FHIP2A: variants seen among roughly 807,000 people sequenced by gnomAD.
The protein encoded by FHIP2A is family with sequence similarity 160 member B1.
Under a neutral mutation model 93.5 loss-of-function variants are expected in FHIP2A, and 46 were observed. That is an observed-to-expected ratio of 0.49 (90% CI 0.39 to 0.63). The LOEUF is 0.63. FHIP2A is among the 20% of genes least tolerant of loss of function. FHIP2A has a pLI of 0.00. For missense variants in FHIP2A, 769 were observed against 909.7 expected, an observed-to-expected ratio of 0.85 and a Z score of 1.99; for synonymous variants, 332 against 326.5, an observed-to-expected ratio of 1.02 and a Z score of -0.18.
rs2083817215 is a variant in FHIP2A, at chr10:114,864,252, T to C, written c.*2712T>C. 5 of 983,122 alleles carry C rather than the reference T, an allele frequency of 5.1e-6. No homozygotes were observed. Among genetic ancestry groups the C allele is most frequent in the Non-Finnish European group, 4.8e-6 (4 of 827,582 alleles). 60.9% of individuals were successfully genotyped at this position (983,122 alleles called of 1,614,324 possible). On this transcript the variant is annotated 3_prime_UTR_variant, in exon 17 of 17. Coordinates refer to ENST00000369248, the MANE Select transcript of FHIP2A (RefSeq NM_020940.4). ...TTCATGGTAATGTTTTCATAAATTATTGCATTAACATACAATTGCCATTTA... is the reference window on the plus strand; with the variant it reads ...TTCATGGTAATGTTTTCATAAATTACTGCATTAACATACAATTGCCATTTA...
chr10:114,845,352 T>A lies in FHIP2A; in HGVS notation c.1014-15T>A, dbSNP rs372111285. The A allele has an allele frequency of 3.3e-6, 5 of 1,514,116 alleles. No homozygotes were observed. Among genetic ancestry groups the A allele is most frequent in the Non-Finnish European group, 4.6e-6 (5 of 1,091,770 alleles). The allele number at this position is 1,514,116 out of a possible 1,614,324, so 93.8% of individuals were successfully genotyped here. A position where few individuals can be genotyped will look rare whatever the true frequency, so the allele number is the denominator to read the frequency against. On this transcript the variant is annotated splice_polypyrimidine_tract_variant and intron_variant, in intron 7 of 16. Transcript: ENST00000369248. Reference sequence around the variant, plus strand: ...TGGATAACTTTGGACTTAGCAATTCTTCCTTGTCTTACAGCTTGGACTCAT... The same window carrying A: ...TGGATAACTTTGGACTTAGCAATTCATCCTTGTCTTACAGCTTGGACTCAT...
In FHIP2A at chr10:114,874,553, A is replaced by T. The variant is rs141176179; in HGVS notation, c.2192+13219A>T. Reference sequence around the variant, plus strand: ...GTTTCGCTGTTGTTGCCCAAGCTGGAGTGCAGTGGCACAATCTTGGCTCAG... The same window carrying T: ...GTTTCGCTGTTGTTGCCCAAGCTGGTGTGCAGTGGCACAATCTTGGCTCAG... On this transcript the variant is annotated intron_variant, in intron 16 of 16. Transcript: ENST00000369250. Among the ~76,000 whole-genome samples the T allele has an allele frequency of 7.6e-3, 1,162 of 152,242 alleles. 25 individuals are homozygous for T. The highest frequency in any genetic ancestry group is 0.027 in the African/African-American group (1,105 of 41,540).
At chr10:114,825,665 C>T (rs1448360801) in intron 1 of FHIP2A, among the ~76,000 whole-genome samples, 8 of 152,120 alleles carry the variant, frequency 5.3e-5, no homozygotes, top group Admixed American at 2.6e-4. Context: ...AGCCAGTTGC[C>T]GCATGTCACA....
intron 16 of FHIP2A, among the ~76,000 whole-genome samples, chr10:114,873,951 G>A (rs1437997698): frequency 3.4e-5 from 5 of 148,568 alleles, no homozygotes; most frequent in African/African-American, 7.4e-5. Context: ...TCAGGAGGGG[G>A]AAAAAAAAAA....
intron 14 of FHIP2A, among the ~76,000 whole-genome samples, 197 bp from the exon 15 acceptor site, chr10:114,860,552 A>G (rs1412358730): frequency 1.3e-5 from 2 of 152,014 alleles, no homozygotes; most frequent in Non-Finnish European, 2.9e-5. Flanking sequence ...GGGTTTCTCC[A>G]TGTTGGTCAG....
chr10:114,862,183 G>A lies in FHIP2A; in HGVS notation c.*643G>A. On this transcript the variant is annotated 3_prime_UTR_variant, in exon 17 of 17. Coordinates refer to ENST00000369248, the MANE Select transcript of FHIP2A (RefSeq NM_020940.4). The stretch of plus-strand genomic sequence containing the variant: ...AATATATCTATATTTTTAAAGAAAT[G>A]TTCTTTTACTCTTTTGTGCACATAG... The A allele has an allele frequency of 5.3e-6, 5 of 939,662 alleles. No individual in the cohort carries two copies. The highest frequency in any genetic ancestry group is 6.3e-6 in the Non-Finnish European group (5 of 788,104). The allele number at this position is 939,662 out of a possible 1,614,324, so 58.2% of individuals were successfully genotyped here.
chr10:114,860,323 C>T (rs11196955), intron 14 of FHIP2A, among the ~76,000 whole-genome samples: 19,717 of 152,074 alleles, frequency 0.13, 1,441 homozygotes, highest in East Asian at 0.22. Flanking sequence ...GAAGAGCATG[C>T]GCAGCAGGGA....
chr10:114,839,872 ACT>A (rs1229121350), intron 5 of FHIP2A, among the ~76,000 whole-genome samples: 19 of 123,528 alleles, frequency 1.5e-4, no homozygotes, highest in Non-Finnish European at 5.0e-5. Context: ...ACAGAGCGAG[ACT>A]CTGTCTCAAA....
At chr10:114,890,429 A>ATG (rs898407071) in intron 16 of FHIP2A, among the ~76,000 whole-genome samples, 40 of 149,650 alleles carry the variant, frequency 2.7e-4, no homozygotes, top group South Asian at 8.4e-4. Context: ...GATTATATAT[A>ATG]TGTGTGTGTG....
Position 114,861,992 on chromosome 10 carries a change from CA to C in FHIP2A, c.*453del, listed in dbSNP as rs1435442465. ...CACTAATTTTATAACTTTTTAAGGTCAGAATTCTTATCAAACAAAATATGAA... is the reference window on the plus strand; with the variant it reads ...CACTAATTTTATAACTTTTTAAGGTCGAATTCTTATCAAACAAAATATGAA... On this transcript the variant is annotated 3_prime_UTR_variant, in exon 17 of 17. Transcript: ENST00000369248. 7.2e-6 allele frequency: 7 copies of C among 976,792 alleles called. No individual in the cohort carries two copies. The highest frequency in any genetic ancestry group is 6.1e-6 in the Non-Finnish European group (5 of 822,110). The allele number at this position is 976,792 out of a possible 1,614,324, so 60.5% of individuals were successfully genotyped here.
chr10:114,849,995 A>C (rs1322946737), intron 13 of FHIP2A, among the ~76,000 whole-genome samples: 1 of 152,066 alleles, frequency 6.6e-6, no homozygotes, highest in African/African-American at 2.4e-5. Flanking sequence ...TATTGTACGG[A>C]TATTTTGTGT....
chr10:114,841,292 G>GTTTTTTTTT (rs397845509), intron 5 of FHIP2A, among the ~76,000 whole-genome samples: 1 of 125,056 alleles, frequency 8.0e-6, no homozygotes, highest in African/African-American at 3.0e-5. Flanking sequence ...TATGCCATTG[G>GTTTTTTTTT]TTTTTTTTTT....
intron 16 of FHIP2A, among the ~76,000 whole-genome samples, chr10:114,887,905 C>G (rs908974143): frequency 6.6e-6 from 1 of 152,210 alleles, no homozygotes; most frequent in African/African-American, 2.4e-5. Context: ...ATCTTTCTGT[C>G]AAACTCAAGG....
At chr10:114,824,791 T>C (rs1216440569) in intron 1 of FHIP2A, among the ~76,000 whole-genome samples, 5 of 152,216 alleles carry the variant, frequency 3.3e-5, no homozygotes. Context: ...CTTCTGTGTG[T>C]TCCTGTTCAT....
In FHIP2A at chr10:114,835,652, C is replaced by T. The variant is rs2083633247; in HGVS notation, c.399+11C>T. The T allele has an allele frequency of 2.1e-6, 3 of 1,418,518 alleles. No individual in the cohort carries two copies. The highest frequency in any genetic ancestry group is 2.0e-5 in the Admixed American group (1 of 49,748). The allele number at this position is 1,418,518 out of a possible 1,614,324, so 87.9% of individuals were successfully genotyped here. A position where few individuals can be genotyped will look rare whatever the true frequency, so the allele number is the denominator to read the frequency against. On this transcript the variant is annotated intron_variant, in intron 4 of 16. Coordinates refer to ENST00000369248, the MANE Select transcript of FHIP2A (RefSeq NM_020940.4). ...CACAGGCCAGTGCAGGTATTTTGTT[C>T]CCCCTACATAAAATCATTTTGTTTG... is the stretch of plus-strand genomic sequence containing the variant.
chr10:114,856,178 G>A (rs1388106047), intron 14 of FHIP2A, among the ~76,000 whole-genome samples: 3 of 152,196 alleles, frequency 2.0e-5, no homozygotes, highest in African/African-American at 7.2e-5. Flanking sequence ...TAAGTAGGCT[G>A]TCTTCAGTAA....
At chr10:114,847,440 C>A (rs2083708445) in intron 12 of FHIP2A, among the ~76,000 whole-genome samples, 1 of 151,894 alleles carries the variant, frequency 6.6e-6, no homozygotes, top group South Asian at 2.1e-4. Flanking sequence ...AGGCTCCTGC[C>A]ACGTCACCCA....
chr10:114,847,041 A>C, intron 11 of FHIP2A, 49 bp from the exon 12 acceptor site: 3 of 1,486,268 alleles, frequency 2.0e-6, no homozygotes, highest in Non-Finnish European at 1.8e-6. Context: ...TGGTTTAGAA[A>C]ATGTCATAAT....
chr10:114,845,136 C>G (rs949226185), intron 7 of FHIP2A, among the ~76,000 whole-genome samples: 3 of 152,086 alleles, frequency 2.0e-5, no homozygotes, highest in Non-Finnish European at 4.4e-5. Flanking sequence ...CTGCTTTAAC[C>G]TCTCTTCTCC....
Sources: allele counts gnomAD v4.1 joint callset (sites outside exome capture counted in the v4.1 genomes callset), GRCh38; gene constraint gnomAD v4.1.1; transcripts MANE v1.5; gene names NCBI Gene and HGNC (gene_info 2026-07-23, HGNC 2026-07-21).